The following PPIL2 variants were observed in gnomAD, a reference collection of about 807,000 sequenced individuals.
PPIL2 encodes peptidylprolyl isomerase like 2, also known as RING-type E3 ubiquitin-protein ligase PPIL2.
PPIL2 carries 50 observed loss-of-function variants against 75.2 expected under a neutral mutation model. The ratio of observed to expected loss-of-function variants is 0.66; its 90% confidence interval spans 0.53 to 0.84. PPIL2 has a LOEUF of 0.84. Among genes scored for constraint, PPIL2 ranks in the 40% least tolerant of loss-of-function variants. The pLI is 0.00. For missense variants in PPIL2, 590 were observed against 685.0 expected, an observed-to-expected ratio of 0.86 and a Z score of 1.55; for synonymous variants, 245 against 258.8, an observed-to-expected ratio of 0.95 and a Z score of 0.51.
At position 21,695,658 on chromosome 22, in the gene PPIL2, C is replaced by T; in HGVS notation, c.*168C>T. The T allele has an allele frequency of 7.0e-7, 1 of 1,432,166 alleles. No individual in the cohort carries two copies. Among genetic ancestry groups the T allele is most frequent in the Non-Finnish European group, 9.2e-7 (1 of 1,090,958 alleles). The allele number at this position is 1,432,166 out of a possible 1,614,324, so 88.7% of individuals were successfully genotyped here. On this transcript the variant is annotated 3_prime_UTR_variant, in exon 20 of 20. Transcript: ENST00000398831. ...CCTGGGAGCCCACAGCCTTCCCATC[C>T]CTTAACCTGTTGCCAAGGGCCTTGG...
Position 21,666,024 on chromosome 22 carries a change from A to C in PPIL2, c.-76A>C. On this transcript the variant is annotated 5_prime_UTR_variant, in exon 1 of 20. Transcript: ENST00000398831. The stretch of plus-strand genomic sequence containing the variant: ...CGCGGAACCCGGAAGTGGTCACGGA[A>C]CTCGGCTGCGGCTCCATGGTCTGAG... 1 of 1,543,668 alleles carries C rather than the reference A, an allele frequency of 6.5e-7. No individual in the cohort carries two copies. Among genetic ancestry groups the C allele is most frequent in the South Asian group, 1.2e-5 (1 of 85,876 alleles).
intron 6 of PPIL2, among the ~76,000 whole-genome samples, chr22:21,675,853 G>A (rs2066818986): frequency 6.6e-6 from 1 of 152,236 alleles, no homozygotes; most frequent in African/African-American, 2.4e-5. Flanking sequence ...ACAGCTCATA[G>A]AGCCCAGCCC....
intron 6 of PPIL2, among the ~76,000 whole-genome samples, chr22:21,680,169 T>A (rs2067052383): frequency 6.6e-6 from 1 of 151,976 alleles, no homozygotes; most frequent in Non-Finnish European, 1.5e-5. Context: ...CTTACTTTTT[T>A]ATCCCCAGAA....
chr22:21,677,844 A>C (rs1232539447), intron 6 of PPIL2, among the ~76,000 whole-genome samples: 1 of 152,180 alleles, frequency 6.6e-6, no homozygotes, highest in African/African-American at 2.4e-5. Context: ...GGTGTGCCAG[A>C]GGCTGCTTGT....
intron 7 of PPIL2, 28 bp downstream of exon 7, chr22:21,681,418 C>T: frequency 6.4e-7 from 1 of 1,571,290 alleles, no homozygotes; most frequent in Non-Finnish European, 8.8e-7. Flanking sequence ...GGCGTGGAGA[C>T]AGCGGTGGGG....
chr22:21,669,148 C>T (rs541753430), intron 1 of PPIL2, among the ~76,000 whole-genome samples: 11 of 151,742 alleles, frequency 7.2e-5, no homozygotes, highest in South Asian at 4.2e-4. Context: ...CTTGCCCGGC[C>T]GGTTTTTTTT....
intron 1 of PPIL2, among the ~76,000 whole-genome samples, chr22:21,667,750 T>A (rs2066450334): frequency 6.7e-6 from 1 of 149,788 alleles, no homozygotes; most frequent in Non-Finnish European, 1.5e-5. Context: ...ACTGGAGGAC[T>A]GAAAGACATC....
intron 9 of PPIL2, among the ~76,000 whole-genome samples, chr22:21,684,476 G>GA (rs984067705): frequency 2.8e-5 from 3 of 106,984 alleles, no homozygotes; most frequent in African/African-American, 3.9e-5. Flanking sequence ...AAAAAAAAAA[G>GA]AAAAAAAAAG....
intron 9 of PPIL2, among the ~76,000 whole-genome samples, chr22:21,684,033 C>A (rs2067237674): frequency 6.6e-6 from 1 of 151,140 alleles, no homozygotes; most frequent in African/African-American, 2.4e-5. Context: ...CATGGGGACA[C>A]CCTGTCTCTA....
Position 21,693,867 on chromosome 22 carries a change from T to G in PPIL2, c.1191T>G (p.Phe397Leu), listed in dbSNP as rs753425420. The G allele has an allele frequency of 6.5e-7, 1 of 1,541,190 alleles. No individual in the cohort carries two copies. Among genetic ancestry groups the G allele is most frequent in the East Asian group, 2.2e-5 (1 of 44,502 alleles). ...CAYLDKKHTI[F>L]GRVVGGFDVL... Reference sequence around the variant, plus strand: ...ACCTGGACAAGAAGCATACCATCTTTGGACGGTAAGGGAAGCGGCTGTGTG... The same window carrying G: ...ACCTGGACAAGAAGCATACCATCTTGGGACGGTAAGGGAAGCGGCTGTGTG... Residue 397 changes from phenylalanine (F) to leucine (L), a missense_variant, in exon 16 of 20, where the codon TTT becomes TTG. Physicochemically the swap from Phe to Leu is conservative, Grantham distance 22. Coordinates refer to ENST00000398831, the MANE Select transcript of PPIL2 (RefSeq NM_014337.4).
At chr22:21,668,842 G>T (rs1420942840) in intron 1 of PPIL2, among the ~76,000 whole-genome samples, 2 of 150,508 alleles carry the variant, frequency 1.3e-5, no homozygotes, top group African/African-American at 2.4e-5. Flanking sequence ...CTCCCGAGTA[G>T]CTGGGACTAC....
chr22:21,674,191 G>A (rs2066743831), intron 5 of PPIL2, among the ~76,000 whole-genome samples: 1 of 152,170 alleles, frequency 6.6e-6, no homozygotes. Context: ...TGAGTGAGGT[G>A]CTCCCCAGCA....
rs1286891788 is a variant in PPIL2, at chr22:21,666,026, T to C, written c.-74T>C. On this transcript the variant is annotated 5_prime_UTR_variant, in exon 1 of 20. Coordinates refer to ENST00000398831, the MANE Select transcript of PPIL2 (RefSeq NM_014337.4). ...CGGAACCCGGAAGTGGTCACGGAAC[T>C]CGGCTGCGGCTCCATGGTCTGAGTT... 1 of 1,550,256 alleles carries C rather than the reference T, an allele frequency of 6.5e-7. No individual in the cohort carries two copies. The highest frequency in any genetic ancestry group is 8.8e-7 in the Non-Finnish European group (1 of 1,137,994).
Position 21,688,728 on chromosome 22 carries a change from C to T in PPIL2, c.1022-4C>T, listed in dbSNP as rs774807453. On this transcript the variant is annotated splice_polypyrimidine_tract_variant and splice_region_variant and intron_variant, in intron 14 of 19. Transcript: ENST00000398831. Reference sequence around the variant, plus strand: ...TCCTGCTCCCATGGGCCTTTCTCTTCCAGGTGGGGAGTCATACTGGGGGAA... The same window carrying T: ...TCCTGCTCCCATGGGCCTTTCTCTTTCAGGTGGGGAGTCATACTGGGGGAA... The T allele has an allele frequency of 3.7e-6, 6 of 1,613,868 alleles. No individual in the cohort carries two copies. The highest frequency in any genetic ancestry group is 1.7e-5 in the Admixed American group (1 of 60,006).
At chr22:21,671,159 C>T in intron 4 of PPIL2, 100 bp downstream of exon 4, 4 of 1,166,022 alleles carry the variant, frequency 3.4e-6, no homozygotes, top group Non-Finnish European at 5.2e-6. Context: ...CTTGGGCACA[C>T]AGAAGTAACA....
intron 9 of PPIL2, among the ~76,000 whole-genome samples, chr22:21,684,044 C>CA (rs1167830355): frequency 6.6e-6 from 1 of 151,140 alleles, no homozygotes; most frequent in Non-Finnish European, 1.5e-5. Context: ...CCTGTCTCTA[C>CA]AAAAAATAGA....
Position 21,684,738 on chromosome 22 carries a change from G to A in PPIL2, c.554-15G>A. 6.2e-7 allele frequency: 1 copy of A among 1,613,204 alleles called. No individual in the cohort carries two copies. The highest frequency in any genetic ancestry group is 1.1e-5 in the South Asian group (1 of 91,056). On this transcript the variant is annotated splice_polypyrimidine_tract_variant and intron_variant, in intron 9 of 19. Transcript: ENST00000398831. ...TGGGGGCTCGGCGGCTCAGGGCCAT[G>A]CTACTGTTTTGTAGATGAAGAGAAG...
chr22:21,687,051 C>G, intron 12 of PPIL2, 53 bp downstream of exon 12: 1 of 1,495,970 alleles, frequency 6.7e-7, no homozygotes. Flanking sequence ...TCTGGGTCAT[C>G]TGACAGCCAT....
At chr22:21,698,628 T>C (rs2068027654), downstream of PPIL2, 1 of 152,336 alleles carries the variant, frequency 6.6e-6, no homozygotes, top group African/African-American at 2.4e-5. Context: ...TTAAGATAAG[T>C]TTTCAGTGAA....
Sources: allele counts gnomAD v4.1 joint callset (sites outside exome capture counted in the v4.1 genomes callset), GRCh38; gene constraint gnomAD v4.1.1; transcripts MANE v1.5; gene names NCBI Gene and HGNC (gene_info 2026-07-23, HGNC 2026-07-21).